The following DUSP16 variants were observed in gnomAD, a reference collection of about 807,000 sequenced individuals.
DUSP16 encodes the protein dual specificity protein phosphatase 16.
A neutral mutation model predicts 58.3 loss-of-function variants in DUSP16; 21 were observed. The ratio of observed to expected loss-of-function variants is 0.36; its 90% confidence interval spans 0.26 to 0.52. The LOEUF (loss-of-function observed/expected upper bound fraction) is 0.52, where lower values mean the gene tolerates loss of function less well. Ranked by LOEUF, DUSP16 falls within the 20% of genes least tolerant of loss-of-function variation. DUSP16 has a pLI of 0.94. For synonymous variants in DUSP16, 320 were observed against 323.8 expected (o/e 0.99, Z 0.12); for missense variants, 726 against 819.0 (o/e 0.89, Z 1.39).
At chr12:12,500,052 A>G (rs931070981) in intron 4 of DUSP16, among the ~76,000 whole-genome samples, 1 of 151,934 alleles carries the variant, frequency 6.6e-6, no homozygotes, top group Non-Finnish European at 1.5e-5. Context: ...CTTTGTCCTC[A>G]CCATCTTTTT....
intron 3 of DUSP16, among the ~76,000 whole-genome samples, chr12:12,509,373 C>T (rs1944043800): frequency 6.6e-6 from 1 of 152,060 alleles, no homozygotes; most frequent in South Asian, 2.1e-4. Flanking sequence ...AATTTTTTTA[C>T]CAGGATCAAC....
At chr12:12,492,635 T>C (rs1943777707) in intron 4 of DUSP16, among the ~76,000 whole-genome samples, 1 of 151,992 alleles carries the variant, frequency 6.6e-6, no homozygotes, top group Non-Finnish European at 1.5e-5. Flanking sequence ...CTCCAGCCAT[T>C]ACCCCATATC....
intron 1 of DUSP16, among the ~76,000 whole-genome samples, chr12:12,557,601 A>T (rs190602615): frequency 5.3e-5 from 8 of 152,332 alleles, no homozygotes; most frequent in Admixed American, 2.6e-4. Flanking sequence ...CTGCACATGA[A>T]TATTAAAAAG....
chr12:12,483,744 G>T (rs75869621), intron 5 of DUSP16, among the ~76,000 whole-genome samples: 23 of 152,066 alleles, frequency 1.5e-4, no homozygotes, highest in South Asian at 4.2e-4. Context: ...TAGCACAAAC[G>T]GGCAAACTCT....
chr12:12,504,707 A>AG (rs1943963445), intron 3 of DUSP16, among the ~76,000 whole-genome samples: 1 of 140,130 alleles, frequency 7.1e-6, no homozygotes, highest in Non-Finnish European at 1.5e-5. Context: ...AAAAAAAAAA[A>AG]AAAAAGAAAG....
At chr12:12,559,851 A>G (rs1187677290) in intron 1 of DUSP16, among the ~76,000 whole-genome samples, 1 of 151,428 alleles carries the variant, frequency 6.6e-6, no homozygotes, top group African/African-American at 2.4e-5. Context: ...TCTCACACCT[A>G]CTCTTCCCCC....
intron 3 of DUSP16, among the ~76,000 whole-genome samples, chr12:12,519,534 T>A (rs574547821): frequency 6.6e-6 from 1 of 152,278 alleles, no homozygotes; most frequent in African/African-American, 2.4e-5. Context: ...GTTCATCATT[T>A]GGTGTTCTTA....
chr12:12,532,051 G>A (rs1944395558), intron 1 of DUSP16, among the ~76,000 whole-genome samples: 5 of 152,076 alleles, frequency 3.3e-5, no homozygotes, highest in Admixed American at 6.5e-5. Flanking sequence ...CCAGCTACTC[G>A]GGAGGCTGAG....
At chr12:12,483,156 G>C (rs1426800821) in intron 5 of DUSP16, among the ~76,000 whole-genome samples, 2 of 152,122 alleles carry the variant, frequency 1.3e-5, no homozygotes, top group Non-Finnish European at 2.9e-5. Context: ...AGGGGAGAGA[G>C]AACTGCAAAT....
At chr12:12,505,659 G>T (rs968888552) in intron 3 of DUSP16, among the ~76,000 whole-genome samples, 1 of 152,134 alleles carries the variant, frequency 6.6e-6, no homozygotes, top group African/African-American at 2.4e-5. Context: ...ATCGTTAATT[G>T]GTACAGTGAT....
chr12:12,504,145 T>G (rs1325150927), intron 3 of DUSP16, among the ~76,000 whole-genome samples: 1 of 152,222 alleles, frequency 6.6e-6, no homozygotes, highest in Non-Finnish European at 1.5e-5. Context: ...TTAAAGATTC[T>G]CATCATTCTT....
intron 1 of DUSP16, among the ~76,000 whole-genome samples, chr12:12,530,395 T>C (rs1225630706): frequency 2.6e-5 from 4 of 152,338 alleles, no homozygotes; most frequent in African/African-American, 4.8e-5. Context: ...CCTGATGTTT[T>C]TGAGGTATTA....
intron 2 of DUSP16, among the ~76,000 whole-genome samples, 193 bp downstream of exon 2, chr12:12,520,678 T>A (rs1308110698): frequency 6.6e-6 from 1 of 152,208 alleles, no homozygotes; most frequent in Non-Finnish European, 1.5e-5. Flanking sequence ...TAATCCTTCA[T>A]AGTTTAGAAA....
At chr12:12,499,990 A>G (rs1268147026) in intron 4 of DUSP16, among the ~76,000 whole-genome samples, 2 of 151,722 alleles carry the variant, frequency 1.3e-5, no homozygotes, top group African/African-American at 4.8e-5. Flanking sequence ...TTCTCAACCA[A>G]ACTCCTCCAA....
At position 12,516,109 on chromosome 12, in the gene DUSP16, G is replaced by GTT. The variant is rs5796495; in HGVS notation, c.367+3751_367+3752dup. Among the ~76,000 whole-genome samples, 65 of 149,386 alleles carry GTT rather than the reference G, an allele frequency of 4.4e-4. 1 individual carries two copies. The highest frequency in any genetic ancestry group is 7.9e-4 in the African/African-American group (32 of 40,352). On this transcript the variant is annotated intron_variant, in intron 3 of 6. Coordinates refer to ENST00000298573, the MANE Select transcript of DUSP16 (RefSeq NM_030640.3). Reference sequence around the variant, plus strand: ...AGAACTTTCTAAAGCATCCAAATTTGTTTTTTTTTTAAGATGAGATTGCTA... The same window carrying GTT: ...AGAACTTTCTAAAGCATCCAAATTTGTTTTTTTTTTTTAAGATGAGATTGCTA...
At chr12:12,525,731 T>C (rs905429345) in intron 1 of DUSP16, among the ~76,000 whole-genome samples, 54 of 146,192 alleles carry the variant, frequency 3.7e-4, no homozygotes, top group Non-Finnish European at 5.6e-4. Context: ...AATATATGTA[T>C]ACACACACAC....
chr12:12,510,222 G>T (rs1350081088), intron 3 of DUSP16, among the ~76,000 whole-genome samples: 1 of 152,134 alleles, frequency 6.6e-6, no homozygotes, highest in Non-Finnish European at 1.5e-5. Flanking sequence ...GGATGGTGTG[G>T]CTGCTGGACA....
At chr12:12,514,069 T>C (rs983984834) in intron 3 of DUSP16, among the ~76,000 whole-genome samples, 8 of 152,242 alleles carry the variant, frequency 5.3e-5, no homozygotes, top group Non-Finnish European at 1.2e-4. Flanking sequence ...TATTTTTTTT[T>C]GAAGGATAGT....
Position 12,521,427 on chromosome 12 carries a change from C to T in DUSP16, c.-329G>A. On this transcript the variant is annotated 5_prime_UTR_variant, in exon 2 of 7. Coordinates refer to ENST00000298573, the MANE Select transcript of DUSP16 (RefSeq NM_030640.3). The stretch of plus-strand genomic sequence containing the variant: ...CGCATTACATCATTCTTTACCTTTG[C>T]TCCCGCGCTCCAACAGCTTTACACT... The T allele has an allele frequency of 8.6e-7, 1 of 1,168,586 alleles. No individual in the cohort carries two copies. The highest frequency in any genetic ancestry group is 1.1e-6 in the Non-Finnish European group (1 of 939,644). 72.4% of individuals were successfully genotyped at this position (1,168,586 alleles called of 1,614,324 possible).
Sources: allele counts gnomAD v4.1 joint callset (sites outside exome capture counted in the v4.1 genomes callset), GRCh38; gene constraint gnomAD v4.1.1; transcripts MANE v1.5; gene names NCBI Gene and HGNC (gene_info 2026-07-23, HGNC 2026-07-21).